The following BCL2 variants were observed in gnomAD, a reference collection of about 807,000 sequenced individuals.
BCL2 encodes apoptosis regulator Bcl-2.
Under a neutral mutation model 14.2 loss-of-function variants are expected in BCL2, and 1 was observed. The ratio of observed to expected loss-of-function variants is 0.07; its 90% CI spans 0.02 to 0.33. BCL2 has a LOEUF of 0.33. Ranked by LOEUF, BCL2 falls within the 10% of genes least tolerant of loss-of-function variation. The pLI is 0.99. For missense variants in BCL2, 247 were observed against 305.9 expected (o/e 0.81, Z 1.44); for synonymous variants, 151 against 137.2 (o/e 1.10, Z -0.70).
intron 2 of BCL2, among the ~76,000 whole-genome samples, chr18:63,217,119 A>T (rs1318052519): frequency 6.6e-6 from 1 of 152,164 alleles, no homozygotes; most frequent in Non-Finnish European, 1.5e-5. Flanking sequence ...TAGTAAATAA[A>T]CTGTGTTTAT....
chr18:63,147,852 T>C (rs773596956), intron 2 of BCL2, among the ~76,000 whole-genome samples: 1 of 152,186 alleles, frequency 6.6e-6, no homozygotes, highest in Non-Finnish European at 1.5e-5. Context: ...CCTCGGGCAA[T>C]GGAACCATAC....
chr18:63,274,409 C>T (rs984860012), intron 2 of BCL2, among the ~76,000 whole-genome samples: 7 of 151,128 alleles, frequency 4.6e-5, no homozygotes, highest in African/African-American at 1.2e-4. Context: ...CTCAGCCTCC[C>T]GAGTAGTGGG....
At chr18:63,300,582 G>A (rs568447904) in intron 2 of BCL2, among the ~76,000 whole-genome samples, 2 of 152,036 alleles carry the variant, frequency 1.3e-5, no homozygotes, top group East Asian at 1.9e-4. Flanking sequence ...GATGACTGAA[G>A]CCTAAACTTT....
At chr18:63,160,925 G>A (rs1186981912) in intron 2 of BCL2, among the ~76,000 whole-genome samples, 8 of 152,092 alleles carry the variant, frequency 5.3e-5, no homozygotes, top group Admixed American at 1.3e-4. Context: ...CTAGACTTCT[G>A]GGTATTCATT....
chr18:63,273,016 T>TG (rs994563989), intron 2 of BCL2, among the ~76,000 whole-genome samples: 17 of 141,708 alleles, frequency 1.2e-4, no homozygotes, highest in Admixed American at 2.1e-4. Flanking sequence ...AGACAGAGAT[T>TG]GAAAAAAAAA....
chr18:63,233,815 TG>T (rs779610981), intron 2 of BCL2, among the ~76,000 whole-genome samples: 25 of 152,232 alleles, frequency 1.6e-4, no homozygotes, highest in Middle Eastern at 6.8e-3. Context: ...TGTTTACTGC[TG>T]GGAAAGCTGT....
intron 2 of BCL2, among the ~76,000 whole-genome samples, chr18:63,247,434 G>A (rs577925912): frequency 1.1e-4 from 16 of 151,836 alleles, no homozygotes; most frequent in Non-Finnish European, 1.5e-4. Context: ...CTGATCTCAG[G>A]TGATCTGCCC....
chr18:63,221,845 T>C (rs1333478846), intron 2 of BCL2, among the ~76,000 whole-genome samples: 5 of 152,338 alleles, frequency 3.3e-5, no homozygotes, highest in Admixed American at 6.5e-5. Flanking sequence ...ATACTACCTG[T>C]GTATCTGAGT....
chr18:63,212,850 T>C (rs1312803065), intron 2 of BCL2, among the ~76,000 whole-genome samples: 1 of 150,882 alleles, frequency 6.6e-6, no homozygotes, highest in Non-Finnish European at 1.5e-5. Flanking sequence ...CACTCCAGCC[T>C]GGGCAACGGA....
chr18:63,142,630 G>A (rs1241420834), intron 2 of BCL2, among the ~76,000 whole-genome samples: 1 of 152,180 alleles, frequency 6.6e-6, no homozygotes, highest in African/African-American at 2.4e-5. Context: ...AAGTGACTGC[G>A]ATGATCCTCT....
chr18:63,213,287 G>A (rs958065631), intron 2 of BCL2, among the ~76,000 whole-genome samples: 9 of 152,122 alleles, frequency 5.9e-5, no homozygotes, highest in African/African-American at 1.2e-4. Context: ...CCAGCATCAC[G>A]TGCTTAATAT....
chr18:63,175,072 C>G (rs925928683), intron 2 of BCL2, among the ~76,000 whole-genome samples: 2 of 152,146 alleles, frequency 1.3e-5, no homozygotes, highest in Non-Finnish European at 2.9e-5. Context: ...ATATTATCGT[C>G]ATTCGCAAGC....
intron 2 of BCL2, among the ~76,000 whole-genome samples, chr18:63,177,105 C>T (rs529805077): frequency 1.9e-4 from 29 of 152,046 alleles, no homozygotes; most frequent in Non-Finnish European, 2.6e-4. Flanking sequence ...TTAGTAGAGA[C>T]GGGTTTTCAT....
chr18:63,257,412 C>A (rs1329705257), intron 2 of BCL2, among the ~76,000 whole-genome samples: 1 of 152,224 alleles, frequency 6.6e-6, no homozygotes, highest in African/African-American at 2.4e-5. Context: ...AAGTACTAAA[C>A]AAACAGAAAT....
At chr18:63,165,728 C>T (rs1002748883) in intron 2 of BCL2, among the ~76,000 whole-genome samples, 9 of 151,998 alleles carry the variant, frequency 5.9e-5, no homozygotes, top group Admixed American at 2.6e-4. Flanking sequence ...CAGACACTGG[C>T]GGGAGACAAA....
intron 2 of BCL2, among the ~76,000 whole-genome samples, chr18:63,165,658 G>A (rs1452916714): frequency 1.3e-5 from 2 of 152,172 alleles, no homozygotes; most frequent in Non-Finnish European, 2.9e-5. Flanking sequence ...TGAAGGCCTC[G>A]GGCCTAGGTG....
intron 2 of BCL2, among the ~76,000 whole-genome samples, chr18:63,157,792 G>A (rs112196048): frequency 0.012 from 1,796 of 152,240 alleles, 40 homozygotes; most frequent in African/African-American, 0.041. Flanking sequence ...CACTGCTCCC[G>A]CAGGAGTTTA....
At chr18:63,212,882 C>A (rs200536850) in intron 2 of BCL2, among the ~76,000 whole-genome samples, 1 of 151,714 alleles carries the variant, frequency 6.6e-6, no homozygotes, top group African/African-American at 2.4e-5. Flanking sequence ...TCTCAAAAAA[C>A]AAAAAAAAAG....
At chr18:63,144,769 G>A (rs1022399145) in intron 2 of BCL2, among the ~76,000 whole-genome samples, 2 of 152,188 alleles carry the variant, frequency 1.3e-5, no homozygotes, top group African/African-American at 2.4e-5. Context: ...AAAGCAAGCC[G>A]GTGTATGCCG....
Sources: allele counts gnomAD v4.1 joint callset (sites outside exome capture counted in the v4.1 genomes callset), GRCh38; gene constraint gnomAD v4.1.1; transcripts MANE v1.5; gene names NCBI Gene and HGNC (gene_info 2026-07-23, HGNC 2026-07-21).